Variants in SERPINB6 observed in about 807,000 individuals in gnomAD.
SERPINB6 encodes serpin family B member 6.
SERPINB6 carries 16 observed loss-of-function variants against 26.1 expected under a neutral mutation model. That is an observed-to-expected ratio of 0.61 (90% CI 0.42 to 0.93). The LOEUF (loss-of-function observed/expected upper bound fraction) is 0.93, where lower values mean the gene tolerates loss of function less well. Ranked by LOEUF, SERPINB6 falls within the 40% of genes least tolerant of loss-of-function variation. The pLI is 0.00. For synonymous variants in SERPINB6, 174 were observed against 176.6 expected, an observed-to-expected ratio of 0.99 and a Z score of 0.11; for missense variants, 420 against 478.0, an observed-to-expected ratio of 0.88 and a Z score of 1.13.
chr6:2,959,750 G>A, intron 1 of SERPINB6: 2 of 243,920 alleles, frequency 8.2e-6, no homozygotes, highest in Non-Finnish European at 1.6e-5. Flanking sequence ...TATTCAAAAT[G>A]ATACATTCAC....
intron 3 of SERPINB6, chr6:2,954,949 G>T (rs527989048): frequency 3.6e-4 from 170 of 477,944 alleles, no homozygotes; most frequent in Non-Finnish European, 5.9e-4. Flanking sequence ...CAGCACTTTG[G>T]GGGGCCGAGG....
Position 2,967,331 on chromosome 6 carries a change from T to C in SERPINB6, c.-11+4202A>G, listed in dbSNP as rs1771727837. On this transcript the variant is annotated intron_variant, in intron 1 of 6. Coordinates refer to ENST00000380539, the MANE Select transcript of SERPINB6 (RefSeq NM_004568.6). This position sits in a 1 kb window ranked among gnomAD's most constrained non-coding sequence, Gnocchi z 4.3. ...GGCTTAGATGTAAAAGCCAAAACTATAAAAAACCCTGGAAGACAATCTAGG... is the reference window on the plus strand; with the variant it reads ...GGCTTAGATGTAAAAGCCAAAACTACAAAAAACCCTGGAAGACAATCTAGG... 1 of 543,960 alleles carries C rather than the reference T, an allele frequency of 1.8e-6. No homozygotes were observed. Among genetic ancestry groups the C allele is most frequent in the South Asian group, 8.1e-5 (1 of 12,310 alleles). The allele number at this position is 543,960 out of a possible 1,614,324, so 33.7% of individuals were successfully genotyped here.
intron 5 of SERPINB6, among the ~76,000 whole-genome samples, chr6:2,951,222 C>T (rs1222506749): frequency 6.6e-6 from 1 of 151,878 alleles, no homozygotes; most frequent in Non-Finnish European, 1.5e-5. Flanking sequence ...CCCGTCTCTA[C>T]TAAAAATGCA....
intron 5 of SERPINB6, 27 bp from the exon 6 acceptor site, chr6:2,949,096 G>C: frequency 6.2e-7 from 1 of 1,611,600 alleles, no homozygotes; most frequent in Non-Finnish European, 8.5e-7. Flanking sequence ...TAAACATCAA[G>C]TTGAAACAAG....
rs781572313 is a variant in SERPINB6 at position 2,959,316 on chromosome 6, T to G, written c.17A>C (p.Glu6Ala). ...GTTTAAGGCAAAGGTGCCATTTGCT[T>G]CTGCGAGAACATCCATGATGGCAGA... MDVLA[E>A]ANGTFALNLL... Residue 6 changes from glutamate to alanine, a missense_variant, in exon 2 of 7, where the codon GAA becomes GCA. Transcript: ENST00000380539. 1.9e-6 allele frequency: 3 copies of G among 1,614,194 alleles called. No homozygotes were observed. In the South Asian group the frequency reaches 3.3e-5, roughly 18 times the overall value.
At chr6:2,962,736 T>A (rs1001961298) in intron 1 of SERPINB6, among the ~76,000 whole-genome samples, 5 of 152,190 alleles carry the variant, frequency 3.3e-5, no homozygotes, top group Admixed American at 6.5e-5. Flanking sequence ...AAATCAAGGA[T>A]GTCCTAGAGA....
chr6:2,955,975 C>T (rs1368811705), intron 2 of SERPINB6: 1 of 304,198 alleles, frequency 3.3e-6, no homozygotes, highest in East Asian at 7.5e-5. Context: ...ACTCGGGAAG[C>T]TGAGGAAAGA....
rs763203331 is a variant in SERPINB6 at position 2,967,658 on chromosome 6, G to A, written c.-11+3875C>T. 1.3e-5 allele frequency: 2 copies of A among 152,172 alleles called. No homozygotes were observed. Among genetic ancestry groups the A allele is most frequent in the African/African-American group, 4.8e-5 (2 of 41,422 alleles). The allele number at this position is 152,172 out of a possible 1,614,324, so 9.4% of individuals were successfully genotyped here. ...GGACATGAACAGACACTTTTCAAAA[G>A]AAGACATTCATGCAGCCAACAGCCA... is the stretch of plus-strand genomic sequence containing the variant. On this transcript the variant is annotated intron_variant, in intron 1 of 6. Transcript: ENST00000380539. The surrounding 1 kb of genome is among the most constrained non-coding windows in gnomAD (Gnocchi z 4.3).
chr6:2,959,247 A>C lies in SERPINB6; in HGVS notation c.86T>G (p.Phe29Cys). The change falls in exon 2 of 7, where the codon TTC (phenylalanine) becomes TGC (cysteine). Residue 29 changes from phenylalanine to cysteine, a missense_variant. Phe to Cys is a radical substitution (Grantham distance 205, BLOSUM62 -2). Coordinates refer to ENST00000380539, the MANE Select transcript of SERPINB6 (RefSeq NM_004568.6). ...LGKDNSKNVFFSPMSMSCALA... is the reference protein window; with the variant it reads ...LGKDNSKNVFCSPMSMSCALA... ...GGCACAGGACATGCTCATGGGTGAG[A>C]AAAACACATTCTTCGAGTTGTCTTT... The C allele has an allele frequency of 1.2e-6, 2 of 1,614,218 alleles. No homozygotes were observed. The highest frequency in any genetic ancestry group is 2.2e-5 in the South Asian group (2 of 91,084).
Position 2,955,648 on chromosome 6 carries a change from C to T in SERPINB6, c.188G>A (p.Gly63Asp), listed in dbSNP as rs368352906. The part of the protein sequence containing the change: ...MAQILSFNKS[G>D]GGGDIHQGFQ... Reference sequence around the variant, plus strand: ...GCCCTGGTGGATGTCTCCACCACCGCCACTTTTATTGAAAGAAAGTATCTG... The same window carrying T: ...GCCCTGGTGGATGTCTCCACCACCGTCACTTTTATTGAAAGAAAGTATCTG... Residue 63 changes from glycine (G) to aspartate (D), a missense_variant, in exon 3 of 7, where the codon GGC becomes GAC. Physicochemically the swap from Gly to Asp is moderately conservative, Grantham distance 94. Coordinates refer to ENST00000380539, the MANE Select transcript of SERPINB6 (RefSeq NM_004568.6). The T allele has an allele frequency of 1.2e-4, 188 of 1,614,112 alleles. No homozygotes were observed. The highest frequency in any genetic ancestry group is 1.6e-4 in the Non-Finnish European group (186 of 1,180,056).
At position 2,951,402 on chromosome 6, in the gene SERPINB6, TA is replaced by T. The variant is rs1251893488; in HGVS notation, c.573+1641del. Among the ~76,000 whole-genome samples the T allele has an allele frequency of 1.3e-3, 180 of 139,984 alleles. 1 individual carries two copies. Among genetic ancestry groups the T allele is most frequent in the East Asian group, 4.0e-3 (19 of 4,760 alleles). 91.8% of individuals were successfully genotyped at this position (139,984 alleles called of 152,430 possible). On this transcript the variant is annotated intron_variant, in intron 5 of 6. Coordinates refer to ENST00000380539, the MANE Select transcript of SERPINB6 (RefSeq NM_004568.6). ...ACTCTGTCTTGGAAAAAATAAAAAATAAAAAAAAAAAATAAGCATGGCTGTG... is the reference window on the plus strand; with the variant it reads ...ACTCTGTCTTGGAAAAAATAAAAAATAAAAAAAAAAATAAGCATGGCTGTG...
chr6:2,958,740 TA>T (rs1770776029), intron 2 of SERPINB6, among the ~76,000 whole-genome samples: 1 of 151,884 alleles, frequency 6.6e-6, no homozygotes, highest in Non-Finnish European at 1.5e-5. Flanking sequence ...CAACAACAAA[TA>T]ACCAGAACGC....
chr6:2,966,090 A>G lies in SERPINB6; in HGVS notation c.-11+5443T>C, dbSNP rs1468228185. 2.0e-5 allele frequency among the ~76,000 whole-genome samples: 3 copies of G among 152,180 alleles called. No homozygotes were observed. In the East Asian group the frequency reaches 5.8e-4, roughly 29 times the overall value. On this transcript the variant is annotated intron_variant, in intron 1 of 6. Transcript: ENST00000380539. ...TCTGAGTTGCATAGACCAGTGTTGT[A>G]TGGTATAACTTGGTCTTTTTGTTGA...
chr6:2,957,635 G>A (rs1466535956), intron 2 of SERPINB6: 3 of 152,258 alleles, frequency 2.0e-5, no homozygotes, highest in African/African-American at 7.2e-5. Context: ...CAGGGAAGCA[G>A]AATTTTAAGT....
chr6:2,955,057 G>A (rs1056281260), intron 3 of SERPINB6: 7 of 302,608 alleles, frequency 2.3e-5, no homozygotes, highest in South Asian at 1.7e-4. Flanking sequence ...ATGTATGGTG[G>A]CATGCACCTG....
At position 2,959,335 on chromosome 6, in the gene SERPINB6, T is replaced by C. The variant is rs779093042; in HGVS notation, c.-3A>G. On this transcript the variant is annotated 5_prime_UTR_variant, in exon 2 of 7. Coordinates refer to ENST00000380539, the MANE Select transcript of SERPINB6 (RefSeq NM_004568.6). Reference sequence around the variant, plus strand: ...TTTGCTTCTGCGAGAACATCCATGATGGCAGACCTGGAACAAGATTTAAAA... The same window carrying C: ...TTTGCTTCTGCGAGAACATCCATGACGGCAGACCTGGAACAAGATTTAAAA... The C allele has an allele frequency of 1.8e-5, 29 of 1,614,026 alleles. No individual in the cohort carries two copies. Among genetic ancestry groups the C allele is most frequent in the Non-Finnish European group, 2.5e-5 (29 of 1,180,046 alleles).
At chr6:2,951,104 G>A (rs1424449466) in intron 5 of SERPINB6, among the ~76,000 whole-genome samples, 1 of 152,214 alleles carries the variant, frequency 6.6e-6, no homozygotes, top group Non-Finnish European at 1.5e-5. Flanking sequence ...AATAAGCATG[G>A]GCCAGGCGTG....
chr6:2,954,136 A>T (rs1220564120), intron 4 of SERPINB6, among the ~76,000 whole-genome samples: 1 of 151,522 alleles, frequency 6.6e-6, no homozygotes, highest in African/African-American at 2.4e-5. Context: ...AAAAAAAAAA[A>T]GTTTAAATTA....
chr6:2,970,430 A>G, intron 1 of SERPINB6: 1 of 1,060,566 alleles, frequency 9.4e-7, no homozygotes, highest in Non-Finnish European at 1.1e-6. Flanking sequence ...TGCTGATAAC[A>G]GCAGTCACTG....
Sources: allele counts gnomAD v4.1 joint callset (sites outside exome capture counted in the v4.1 genomes callset), GRCh38; gene constraint gnomAD v4.1.1; non-coding constraint Gnocchi (gnomAD v3.1); transcripts MANE v1.5; gene names NCBI Gene and HGNC (gene_info 2026-07-23, HGNC 2026-07-21).